The following STK31 variants were observed in gnomAD, a reference collection of about 807,000 sequenced individuals.
STK31 encodes serine/threonine kinase 31.
In STK31, 89 loss-of-function variants were observed where a neutral mutation model predicts 129.7. The observed-to-expected ratio is 0.69, with a 90% CI of 0.58 to 0.82. The LOEUF (loss-of-function observed/expected upper bound fraction) is 0.82. Among genes scored for constraint, STK31 ranks in the 40% least tolerant of loss-of-function variants. The probability of loss-of-function intolerance (pLI) is 0.00; values close to 1 mark genes in which losing one functional copy is unlikely to be tolerated. For synonymous variants in STK31, 448 were observed against 395.3 expected, an observed-to-expected ratio of 1.13 and a Z score of -1.58; for missense variants, 1,187 against 1,176.4, an observed-to-expected ratio of 1.01 and a Z score of -0.13.
At chr7:23,790,759 A>C in intron 21 of STK31, 65 bp from the exon 22 acceptor site, 1 of 1,365,750 alleles carries the variant, frequency 7.3e-7, no homozygotes, top group Non-Finnish European at 9.6e-7. Context: ...TTAAATGCAG[A>C]GTACTTCACA....
chr7:23,721,521 T>G (rs1425260796), intron 4 of STK31: 2 of 974,402 alleles, frequency 2.1e-6, no homozygotes, highest in Non-Finnish European at 3.3e-6. Flanking sequence ...ATGTATGTGT[T>G]AGTTCTCTGT....
intron 10 of STK31, among the ~76,000 whole-genome samples, chr7:23,756,333 T>C (rs1468829752): frequency 6.6e-6 from 1 of 152,204 alleles, no homozygotes; most frequent in Non-Finnish European, 1.5e-5. Context: ...TTGTGATTTT[T>C]GCACATTTAT....
intron 11 of STK31, among the ~76,000 whole-genome samples, chr7:23,763,568 TTTTA>T (rs1789613360): frequency 6.6e-6 from 1 of 152,196 alleles, no homozygotes; most frequent in African/African-American, 2.4e-5. Context: ...TTCATTTAAC[TTTTA>T]TTTATTTATG....
chr7:23,780,243 G>T (rs969073879), intron 15 of STK31, among the ~76,000 whole-genome samples: 2 of 152,120 alleles, frequency 1.3e-5, no homozygotes, highest in African/African-American at 4.8e-5. Flanking sequence ...CTTGTCTGTT[G>T]ATCTCGCTGG....
chr7:23,787,152 C>T (rs10265802), intron 20 of STK31, among the ~76,000 whole-genome samples: 148,779 of 152,250 alleles, frequency 0.98, 72,810 homozygotes, highest in East Asian at 1. Flanking sequence ...AGAGGTAGAG[C>T]TGGGACTCGA....
At chr7:23,787,811 A>T (rs1411317276) in intron 20 of STK31, among the ~76,000 whole-genome samples, 169 bp from the exon 21 acceptor site, 1 of 151,796 alleles carries the variant, frequency 6.6e-6, no homozygotes, top group Non-Finnish European at 1.5e-5. Context: ...TGGTATCACC[A>T]TTACAAAATC....
At chr7:23,742,058 T>C (rs1461022525) in intron 8 of STK31, among the ~76,000 whole-genome samples, 1 of 152,218 alleles carries the variant, frequency 6.6e-6, no homozygotes, top group African/African-American at 2.4e-5. Flanking sequence ...CAGCAGCCCA[T>C]TGCAGGGCTG....
chr7:23,731,040 C>T (rs1265572522), intron 6 of STK31, among the ~76,000 whole-genome samples: 3 of 150,878 alleles, frequency 2.0e-5, no homozygotes, highest in South Asian at 2.1e-4. Flanking sequence ...CCCGCCACCA[C>T]GCATGGCTAA....
chr7:23,798,869 C>T, intron 22 of STK31, among the ~76,000 whole-genome samples: 1 of 152,180 alleles, frequency 6.6e-6, no homozygotes, highest in East Asian at 1.9e-4. Context: ...CCCAAAATCT[C>T]CTTAAGCTGA....
intron 9 of STK31, among the ~76,000 whole-genome samples, chr7:23,754,015 G>A (rs990046815): frequency 2.6e-5 from 4 of 152,062 alleles, no homozygotes; most frequent in African/African-American, 9.6e-5. Context: ...GACTTTCGAA[G>A]TTGCCTTTTT....
intron 23 of STK31, among the ~76,000 whole-genome samples, chr7:23,829,251 G>A (rs905874678): frequency 6.6e-6 from 1 of 152,154 alleles, no homozygotes; most frequent in Admixed American, 6.5e-5. Flanking sequence ...AATGATGTTA[G>A]CTGTGGCTTT....
At chr7:23,721,839 T>C in intron 4 of STK31, 1 of 514,564 alleles carries the variant, frequency 1.9e-6, no homozygotes, top group Non-Finnish European at 3.6e-6. Flanking sequence ...CTTCAATCAG[T>C]GATACCCTTT....
chr7:23,735,004 A>G (rs1209373069), intron 6 of STK31, among the ~76,000 whole-genome samples: 1 of 152,186 alleles, frequency 6.6e-6, no homozygotes, highest in Non-Finnish European at 1.5e-5. Flanking sequence ...TGTATTTGTG[A>G]CACCTCACAT....
chr7:23,736,860 C>G (rs1787748309), intron 7 of STK31, 44 bp from the exon 8 acceptor site: 1 of 1,537,620 alleles, frequency 6.5e-7, no homozygotes, highest in Non-Finnish European at 8.8e-7. Flanking sequence ...CTGTGTCAGC[C>G]TTATACAGTT....
At chr7:23,771,740 A>G (rs1790209289) in intron 14 of STK31, 1 of 153,614 alleles carries the variant, frequency 6.5e-6, no homozygotes, top group Admixed American at 6.5e-5. Flanking sequence ...TTTATTTCTC[A>G]GATTTCTAAA....
chr7:23,747,430 C>T (rs1023334999), intron 8 of STK31, among the ~76,000 whole-genome samples: 14 of 151,992 alleles, frequency 9.2e-5, no homozygotes, highest in Non-Finnish European at 1.5e-4. Flanking sequence ...AGTGCAGTGG[C>T]GCGATGTCTG....
intron 6 of STK31, among the ~76,000 whole-genome samples, chr7:23,731,620 G>A (rs962847613): frequency 6.6e-6 from 1 of 152,088 alleles, no homozygotes; most frequent in African/African-American, 2.4e-5. Flanking sequence ...GGTGTCCTGG[G>A]CACTGAAATT....
chr7:23,770,315 A>C (rs1790102771), intron 13 of STK31, among the ~76,000 whole-genome samples: 2 of 152,120 alleles, frequency 1.3e-5, no homozygotes, highest in South Asian at 4.1e-4. Flanking sequence ...TTCAGTGGTT[A>C]GGCTTCTCAT....
chr7:23,720,315 TA>T, intron 4 of STK31, among the ~76,000 whole-genome samples: 1 of 152,126 alleles, frequency 6.6e-6, no homozygotes, highest in Non-Finnish European at 1.5e-5. Context: ...TAGGCAAGCT[TA>T]GCCCTACCTT....
Sources: allele counts gnomAD v4.1 joint callset (sites outside exome capture counted in the v4.1 genomes callset), GRCh38; gene constraint gnomAD v4.1.1; transcripts MANE v1.5; gene names NCBI Gene and HGNC (gene_info 2026-07-23, HGNC 2026-07-21).